Variants in SUMF1 observed in about 807,000 individuals in gnomAD.
The protein encoded by SUMF1 is formylglycine-generating enzyme.
A neutral mutation model predicts 47.6 loss-of-function variants in SUMF1; 48 were observed. The observed-to-expected ratio is 1.01, with a 90% CI of 0.80 to 1.28. The LOEUF (loss-of-function observed/expected upper bound fraction) is 1.28, where lower values mean the gene tolerates loss of function less well. SUMF1 is among the 50% of genes most tolerant of loss of function. The probability of loss-of-function intolerance (pLI) is 0.00; values close to 1 mark genes in which losing one functional copy is unlikely to be tolerated. For missense variants in SUMF1, 571 were observed against 485.4 expected (o/e 1.18, Z -1.66); for synonymous variants, 230 against 192.1 (o/e 1.20, Z -1.63).
chr3:4,254,694 GA>G (rs1696902206), intron 8 of SUMF1, among the ~76,000 whole-genome samples: 1 of 149,736 alleles, frequency 6.7e-6, no homozygotes, highest in African/African-American at 2.5e-5. Flanking sequence ...CACTCTGCAG[GA>G]AATTATCCAG....
In SUMF1 at chr3:4,352,916, G is replaced by A. The variant is rs559898170; in HGVS notation, c.1014+23414C>T. On this transcript the variant is annotated intron_variant and NMD_transcript_variant, in intron 8 of 12. Transcript: ENST00000448413. The stretch of plus-strand genomic sequence containing the variant: ...CATTTAAACCCAATTCTTTTTGACC[G>A]TCCTTAGAAGAGATGGAGAAAGGCT... Among the ~76,000 whole-genome samples, 23 of 152,132 alleles carry A rather than the reference G, an allele frequency of 1.5e-4. No individual in the cohort carries two copies. The South Asian group carries it at 2.3e-3, about 15-fold the overall frequency.
intron 8 of SUMF1, among the ~76,000 whole-genome samples, chr3:4,161,784 G>T (rs1694582698): frequency 6.6e-6 from 1 of 152,028 alleles, no homozygotes; most frequent in Non-Finnish European, 1.5e-5. Context: ...AGCCTATTTG[G>T]TGCCCTACCC....
intron 8 of SUMF1, among the ~76,000 whole-genome samples, chr3:4,198,223 C>A (rs1695471857): frequency 6.6e-6 from 1 of 152,022 alleles, no homozygotes; most frequent in South Asian, 2.1e-4. Context: ...GGGATTCTTT[C>A]ATGTCTCTTG....
chr3:4,424,290 C>T (rs1424902197), intron 3 of SUMF1, among the ~76,000 whole-genome samples: 1 of 152,114 alleles, frequency 6.6e-6, no homozygotes, highest in East Asian at 1.9e-4. Context: ...TTCTAGACAC[C>T]CGCTTTTCTT....
chr3:4,057,689 G>A (rs1695216057), intron 9 of SUMF1, among the ~76,000 whole-genome samples: 1 of 152,094 alleles, frequency 6.6e-6, no homozygotes, highest in Admixed American at 6.6e-5. Context: ...GGGAAGGAAG[G>A]AGGAACCTGT....
chr3:4,113,712 GA>G (rs917445890), intron 8 of SUMF1, among the ~76,000 whole-genome samples: 1 of 151,864 alleles, frequency 6.6e-6, no homozygotes, highest in Non-Finnish European at 1.5e-5. Flanking sequence ...TTAACAACAG[GA>G]AAAAACTCAG....
chr3:4,281,333 G>T (rs573000939), intron 8 of SUMF1, among the ~76,000 whole-genome samples: 2 of 152,088 alleles, frequency 1.3e-5, no homozygotes, highest in African/African-American at 4.8e-5. Context: ...GGTGGAGAGG[G>T]TTGATTTCAC....
chr3:4,371,682 G>A (rs74808612), intron 8 of SUMF1, among the ~76,000 whole-genome samples: 5,034 of 152,218 alleles, frequency 0.033, 141 homozygotes, highest in Non-Finnish European at 0.054. Flanking sequence ...CAACAACAAT[G>A]AGTATTTCTT....
At chr3:4,304,979 G>A (rs184649999) in intron 8 of SUMF1, among the ~76,000 whole-genome samples, 10 of 151,328 alleles carry the variant, frequency 6.6e-5, no homozygotes, top group Non-Finnish European at 1.3e-4. Flanking sequence ...TGGTGGGGGG[G>A]GCTTCCAGAC....
At chr3:4,360,308 C>G (rs75802439), downstream of SUMF1, among the ~76,000 whole-genome samples, 1 of 146,470 alleles carries the variant, frequency 6.8e-6, no homozygotes, top group Non-Finnish European at 1.5e-5. Flanking sequence ...GCTAAACGTG[C>G]CAGCTACATG....
intron 8 of SUMF1, among the ~76,000 whole-genome samples, chr3:4,139,380 GA>G (rs1048339814): frequency 6.6e-6 from 1 of 151,692 alleles, no homozygotes; most frequent in African/African-American, 2.4e-5. Context: ...TAAGAATTCA[GA>G]AAAAAATCAA....
chr3:4,113,496 C>G (rs1211612655), intron 8 of SUMF1, among the ~76,000 whole-genome samples: 1 of 151,978 alleles, frequency 6.6e-6, no homozygotes, highest in Non-Finnish European at 1.5e-5. Flanking sequence ...TCACTGCTCT[C>G]CAGCCTGGGT....
intron 1 of SUMF1, among the ~76,000 whole-genome samples, chr3:4,464,112 T>C (rs2079879609): frequency 6.6e-6 from 1 of 152,214 alleles, no homozygotes; most frequent in Non-Finnish European, 1.5e-5. Flanking sequence ...AGTGTGAACA[T>C]GTCACTCCCA....
At chr3:4,215,562 A>G (rs927395241) in intron 8 of SUMF1, among the ~76,000 whole-genome samples, 1 of 152,198 alleles carries the variant, frequency 6.6e-6, no homozygotes, top group Non-Finnish European at 1.5e-5. Context: ...AGGCAAGAGA[A>G]AGAAATAAAG....
chr3:4,450,163 T>A (rs1702920722), intron 2 of SUMF1, among the ~76,000 whole-genome samples: 1 of 152,088 alleles, frequency 6.6e-6, no homozygotes, highest in African/African-American at 2.4e-5. Context: ...ATTCTGGGGG[T>A]CTAGGGTGAG....
At chr3:4,332,386 A>T (rs1699067785) in intron 8 of SUMF1, among the ~76,000 whole-genome samples, 1 of 152,248 alleles carries the variant, frequency 6.6e-6, no homozygotes, top group Non-Finnish European at 1.5e-5. Context: ...AACAAGGTAG[A>T]AAATTTATAT....
intron 8 of SUMF1, among the ~76,000 whole-genome samples, chr3:4,190,776 A>C (rs999470626): frequency 3.3e-5 from 5 of 152,164 alleles, no homozygotes; most frequent in Admixed American, 2.6e-4. Context: ...ATACCAAAAA[A>C]TAAGCCACCA....
At chr3:4,051,032 A>G (rs1695101841) in intron 9 of SUMF1, among the ~76,000 whole-genome samples, 1 of 152,008 alleles carries the variant, frequency 6.6e-6, no homozygotes, top group Admixed American at 6.6e-5. Context: ...ACCCGCTAAA[A>G]TGACTTGCTG....
chr3:4,146,531 A>G (rs1281719658), intron 8 of SUMF1, among the ~76,000 whole-genome samples: 2 of 151,886 alleles, frequency 1.3e-5, no homozygotes, highest in Non-Finnish European at 1.5e-5. Flanking sequence ...GACTCTTGGA[A>G]TTTCTTTTTT....
Sources: allele counts gnomAD v4.1 joint callset (sites outside exome capture counted in the v4.1 genomes callset), GRCh38; gene constraint gnomAD v4.1.1; transcripts MANE v1.5; gene names NCBI Gene and HGNC (gene_info 2026-07-23, HGNC 2026-07-21).